Variants in PTPRG observed in about 807,000 individuals in gnomAD.
PTPRG encodes protein tyrosine phosphatase receptor type G.
Under a neutral mutation model 165.3 loss-of-function variants are expected in PTPRG, and 102 were observed. The observed-to-expected ratio is 0.62, with a 90% confidence interval of 0.53 to 0.73. PTPRG has a LOEUF of 0.73. Among genes scored for constraint, PTPRG ranks in the 30% least tolerant of loss-of-function variants. PTPRG has a pLI of 0.00. For synonymous variants in PTPRG, 675 were observed against 669.5 expected (o/e 1.01, Z -0.13); for missense variants, 1,866 against 1,861.4 (o/e 1.00, Z -0.05).
intron 1 of PTPRG, among the ~76,000 whole-genome samples, chr3:61,587,752 G>A (rs1480227444): frequency 6.6e-6 from 1 of 152,042 alleles, no homozygotes; most frequent in Non-Finnish European, 1.5e-5. Context: ...AACCACCTGG[G>A]CTCAAGCAAT....
chr3:61,812,411 T>C (rs1265608510), intron 2 of PTPRG, among the ~76,000 whole-genome samples: 1 of 152,222 alleles, frequency 6.6e-6, no homozygotes, highest in East Asian at 1.9e-4. Context: ...TTTCACACTT[T>C]GAAGATCATT....
intron 2 of PTPRG, among the ~76,000 whole-genome samples, chr3:61,939,075 A>G (rs2039548602): frequency 6.6e-6 from 1 of 152,178 alleles, no homozygotes; most frequent in Non-Finnish European, 1.5e-5. Flanking sequence ...GAAAACCGGA[A>G]CTGGGTACAG....
At chr3:61,622,683 G>A (rs12635067) in intron 1 of PTPRG, among the ~76,000 whole-genome samples, 19,007 of 151,910 alleles carry the variant, frequency 0.13, 1,339 homozygotes, top group African/African-American at 0.19. Flanking sequence ...AAAACTTTTC[G>A]TGTCTTTTGG....
At chr3:62,218,215 G>C (rs2106884083) in intron 12 of PTPRG, among the ~76,000 whole-genome samples, 1 of 152,294 alleles carries the variant, frequency 6.6e-6, no homozygotes, top group African/African-American at 2.4e-5. Context: ...GTCCTGGCTT[G>C]AGTGCTAAAT....
At chr3:61,608,950 C>A (rs1038774638) in intron 1 of PTPRG, among the ~76,000 whole-genome samples, 1 of 152,236 alleles carries the variant, frequency 6.6e-6, no homozygotes, top group East Asian at 1.9e-4. Flanking sequence ...TAATCACTTA[C>A]ATCTGCCATG....
chr3:61,737,756 A>G (rs2032773281), intron 1 of PTPRG, among the ~76,000 whole-genome samples: 1 of 151,828 alleles, frequency 6.6e-6, no homozygotes, highest in Non-Finnish European at 1.5e-5. Context: ...GGGCTTGTGC[A>G]TTCAGGGTGT....
At chr3:62,150,291 A>G (rs1486396565) in intron 6 of PTPRG, among the ~76,000 whole-genome samples, 2 of 152,210 alleles carry the variant, frequency 1.3e-5, no homozygotes, top group Non-Finnish European at 2.9e-5. Flanking sequence ...AGGCCAGTGT[A>G]GCTATACCTA....
chr3:62,203,196 A>G lies in PTPRG; in HGVS notation c.1401A>G (p.Ser467=). 1 of 1,598,672 alleles carries G rather than the reference A, an allele frequency of 6.3e-7. No homozygotes were observed. Among genetic ancestry groups the G allele is most frequent in the Non-Finnish European group, 8.5e-7 (1 of 1,169,740 alleles). ...TGVPTASPAS[S]ADMAPISSGS... Reference sequence around the variant, plus strand: ...AGCCCACAGCGTCTCCTGCCTCTTCAGCCGACATGGCCCCCATCAGCTCGG... The same window carrying G: ...AGCCCACAGCGTCTCCTGCCTCTTCGGCCGACATGGCCCCCATCAGCTCGG... The change falls in exon 12 of 30, where the codon TCA becomes TCG. Residue 467 remains serine (S), a synonymous_variant. Coordinates refer to ENST00000474889, the MANE Select transcript of PTPRG (RefSeq NM_002841.4). This position sits in a 1 kb window ranked among gnomAD's most constrained non-coding sequence, Gnocchi z 6.4.
chr3:61,628,972 T>G (rs1473597262), intron 1 of PTPRG, among the ~76,000 whole-genome samples: 2 of 152,114 alleles, frequency 1.3e-5, no homozygotes, highest in Non-Finnish European at 2.9e-5. Context: ...TCCAAGACGG[T>G]AGGTAATGTG....
chr3:62,125,278 G>C (rs1216515509), intron 5 of PTPRG, among the ~76,000 whole-genome samples: 1 of 152,118 alleles, frequency 6.6e-6, no homozygotes, highest in East Asian at 1.9e-4. Context: ...GGATCAACCT[G>C]GCAACCTGTT....
intron 2 of PTPRG, among the ~76,000 whole-genome samples, chr3:61,968,002 GA>G (rs1206439307): frequency 1.3e-5 from 2 of 152,080 alleles, no homozygotes; most frequent in Non-Finnish European, 2.9e-5. Context: ...TAAAGGAGGG[GA>G]ATATGGATGT....
At chr3:61,633,440 A>G (rs1701820818) in intron 1 of PTPRG, among the ~76,000 whole-genome samples, 1 of 152,250 alleles carries the variant, frequency 6.6e-6, no homozygotes. Flanking sequence ...TTTGGAATGT[A>G]TTTGGGACAA....
chr3:62,017,930 A>G (rs951395326), intron 4 of PTPRG, among the ~76,000 whole-genome samples: 1 of 152,192 alleles, frequency 6.6e-6, no homozygotes, highest in Non-Finnish European at 1.5e-5. Context: ...AGTTTCATTC[A>G]TGAGCCAAGA....
chr3:61,834,032 C>G (rs1310652472), intron 2 of PTPRG, among the ~76,000 whole-genome samples: 1 of 152,172 alleles, frequency 6.6e-6, no homozygotes, highest in African/African-American at 2.4e-5. Context: ...TGGAGGTCAG[C>G]TTAGGATTTC....
At chr3:61,946,006 T>C (rs2107615131) in intron 2 of PTPRG, among the ~76,000 whole-genome samples, 1 of 152,046 alleles carries the variant, frequency 6.6e-6, no homozygotes, top group African/African-American at 2.4e-5. Flanking sequence ...CATTCATTCA[T>C]TTTTTTTCTT....
intron 2 of PTPRG, among the ~76,000 whole-genome samples, chr3:61,841,171 G>T (rs1378041601): frequency 6.6e-6 from 1 of 152,082 alleles, no homozygotes; most frequent in Non-Finnish European, 1.5e-5. Flanking sequence ...TATATATTGG[G>T]ACCGTTATAG....
At chr3:61,709,095 C>T (rs2031418615) in intron 1 of PTPRG, among the ~76,000 whole-genome samples, 2 of 152,130 alleles carry the variant, frequency 1.3e-5, no homozygotes, top group Admixed American at 1.3e-4. Context: ...TTTTGTGTTT[C>T]ATCCTTCCCA....
intron 1 of PTPRG, among the ~76,000 whole-genome samples, chr3:61,572,561 T>C (rs1179657633): frequency 2.0e-5 from 3 of 152,154 alleles, no homozygotes; most frequent in Non-Finnish European, 4.4e-5. Flanking sequence ...GCATTAAAAA[T>C]CAGTCATTTT....
Position 62,125,321 on chromosome 3 carries a change from A to G in PTPRG, c.616-7281A>G, listed in dbSNP as rs576768161. ...ATGTGCCTTGTCTCTTATATTTTTC[A>G]TGCTGCATGCATGATGGGAATTTAA... On this transcript the variant is annotated intron_variant, in intron 5 of 29. Transcript: ENST00000474889. Among the ~76,000 whole-genome samples the G allele has an allele frequency of 7.9e-5, 12 of 152,268 alleles. No individual in the cohort carries two copies. In the South Asian group the frequency reaches 1.9e-3, roughly 24 times the overall value.
Sources: gnomAD v4.1 joint callset for allele counts (sites outside exome capture counted in the v4.1 genomes callset) on GRCh38, gnomAD v4.1.1 for gene constraint, Gnocchi (gnomAD v3.1) non-coding constraint, MANE v1.5 for transcripts, NCBI Gene and HGNC (gene_info 2026-07-23, HGNC 2026-07-21) for gene names.